Variants in ZNF592 observed in about 807,000 individuals in gnomAD.
ZNF592 encodes the protein zinc finger protein 592, also known as spinocerebellar ataxia, autosomal recessive 5.
In ZNF592, 11 loss-of-function variants were observed where a neutral mutation model predicts 80.3. The observed-to-expected ratio is 0.14, with a 90% CI of 0.09 to 0.23. The LOEUF is 0.23. Among genes scored for constraint, ZNF592 ranks in the 10% least tolerant of loss-of-function variants. ZNF592 has a pLI of 1.00. For missense variants in ZNF592, 1,420 were observed against 1,633.9 expected (o/e 0.87, Z 2.26); for synonymous variants, 646 against 640.3 (o/e 1.01, Z -0.13).
At chr15:84,772,258 C>A (rs1962103368) in intron 2 of ZNF592, among the ~76,000 whole-genome samples, 1 of 152,110 alleles carries the variant, frequency 6.6e-6, no homozygotes, top group Non-Finnish European at 1.5e-5. Context: ...ATTAATGTTC[C>A]TGCTTGAGTT....
Position 84,802,153 on chromosome 15 carries a change from G to A in ZNF592, c.3564G>A (p.Glu1188=). 6.2e-7 allele frequency: 1 copy of A among 1,604,332 alleles called. No homozygotes were observed. Among genetic ancestry groups the A allele is most frequent in the Non-Finnish European group, 8.5e-7 (1 of 1,172,808 alleles). ...ACCAGGAGGAGGAGGAGGAAGAGGA[G>A]GCGGCGGCAGCGGAGATGGCAGTGG... ...VRDQEEEEEE[E]AAAAEMAVEV... Residue 1188 remains glutamate, a synonymous_variant, in exon 11 of 11, where the codon GAG becomes GAA. Transcript: ENST00000560079.
At chr15:84,771,735 A>G (rs752846976) in intron 2 of ZNF592, among the ~76,000 whole-genome samples, 9 of 151,810 alleles carry the variant, frequency 5.9e-5, no homozygotes, top group Non-Finnish European at 1.3e-4. Flanking sequence ...TCTTTGGGCC[A>G]TTTTTTTTGC....
intron 1 of ZNF592, among the ~76,000 whole-genome samples, chr15:84,761,493 G>T (rs2141964687): frequency 6.6e-6 from 1 of 152,318 alleles, no homozygotes; most frequent in East Asian, 1.9e-4. Flanking sequence ...AAGGCTTCCA[G>T]TGCTTCCAAT....
At chr15:84,752,606 GA>G (rs1474323749) in intron 1 of ZNF592, among the ~76,000 whole-genome samples, 1 of 152,238 alleles carries the variant, frequency 6.6e-6, no homozygotes, top group Admixed American at 6.5e-5. Flanking sequence ...TTGGGGCTGT[GA>G]AAGGCAGGTC....
At chr15:84,789,745 T>C (rs757260148) in intron 4 of ZNF592, among the ~76,000 whole-genome samples, 5 of 152,218 alleles carry the variant, frequency 3.3e-5, no homozygotes, top group African/African-American at 9.6e-5. Flanking sequence ...TATCCTATCT[T>C]TGGTCAGTGG....
chr15:84,765,535 GTTTTTTTTT>G (rs71453265), intron 2 of ZNF592, among the ~76,000 whole-genome samples: 1 of 92,280 alleles, frequency 1.1e-5, no homozygotes, highest in Admixed American at 1.5e-4. Flanking sequence ...TGTTATTATT[GTTTTTTTTT>G]TTTTTTTTTT....
intron 2 of ZNF592, among the ~76,000 whole-genome samples, chr15:84,766,985 C>A (rs1899546356): frequency 6.6e-6 from 1 of 151,854 alleles, no homozygotes; most frequent in Non-Finnish European, 1.5e-5. Flanking sequence ...TGTGAAATGG[C>A]CACTTTCTGT....
In ZNF592 at chr15:84,783,480, C is replaced by T; in HGVS notation, c.805C>T (p.Pro269Ser). 3.1e-6 allele frequency: 5 copies of T among 1,614,166 alleles called. No individual in the cohort carries two copies. The highest frequency in any genetic ancestry group is 4.2e-6 in the Non-Finnish European group (5 of 1,180,024). Residue 269 changes from proline (P) to serine (S), a missense_variant, in exon 4 of 11, where the codon CCC becomes TCC. Pro to Ser is a moderately conservative substitution (Grantham distance 74). This residue lies in a region of ZNF592 where 373 missense variants were observed against 355.5 expected (regional missense o/e 1.05). Coordinates refer to ENST00000560079, the MANE Select transcript of ZNF592 (RefSeq NM_014630.3). This position sits in a 1 kb window ranked among gnomAD's most constrained non-coding sequence, Gnocchi z 5.0. ...GGAGCTTGGTACCTGCTCATCAGTC[C>T]CCCCTAGGCAGCGTCTAAAGCCAGC... Reference protein sequence around the residue: ...ARELGTCSSVPPRQRLKPAHS... With the variant: ...ARELGTCSSVSPRQRLKPAHS...
rs1963210998 is a variant in ZNF592, at chr15:84,805,374, C to G, written c.*2981C>G. ...TGGTTGTGCTATCATTTGTCATCAT[C>G]AGAAAATGCTTGCTGTAACAAGCGT... On this transcript the variant is annotated 3_prime_UTR_variant, in exon 11 of 11. Transcript: ENST00000560079. 6.6e-6 allele frequency: 1 copy of G among 152,276 alleles called. No individual in the cohort carries two copies. The highest frequency in any genetic ancestry group is 2.4e-5 in the African/African-American group (1 of 41,438). 9.4% of individuals were successfully genotyped at this position (152,276 alleles called of 1,614,324 possible).
chr15:84,791,645 A>G (rs1962753128), intron 5 of ZNF592, among the ~76,000 whole-genome samples: 1 of 152,192 alleles, frequency 6.6e-6, no homozygotes, highest in South Asian at 2.1e-4. Flanking sequence ...AAAATGATTA[A>G]GACACAGCCC....
intron 2 of ZNF592, among the ~76,000 whole-genome samples, chr15:84,767,154 C>A (rs1420449038): frequency 1.3e-5 from 2 of 152,072 alleles, no homozygotes; most frequent in Non-Finnish European, 2.9e-5. Context: ...ACCACCACAC[C>A]CGGTTAATTT....
At chr15:84,759,913 A>G (rs1282178414) in intron 1 of ZNF592, among the ~76,000 whole-genome samples, 1 of 150,196 alleles carries the variant, frequency 6.7e-6, no homozygotes, top group Non-Finnish European at 1.5e-5. Context: ...GTTTTGAGGC[A>G]GAGTTGGAAT....
chr15:84,751,656 G>A (rs1899018679), intron 1 of ZNF592, among the ~76,000 whole-genome samples: 1 of 150,772 alleles, frequency 6.6e-6, no homozygotes, highest in Non-Finnish European at 1.5e-5. Flanking sequence ...TGTAATCCCA[G>A]CACTGTGGGA....
At position 84,804,280 on chromosome 15, in the gene ZNF592, C is replaced by A. The variant is rs1225266467; in HGVS notation, c.*1887C>A. On this transcript the variant is annotated 3_prime_UTR_variant, in exon 11 of 11. Coordinates refer to ENST00000560079, the MANE Select transcript of ZNF592 (RefSeq NM_014630.3). The stretch of plus-strand genomic sequence containing the variant: ...CCTAATTCTAGTTACAGGAAGCCAT[C>A]CCTGTACCCTGGGTCCATTCACAGG... The A allele has an allele frequency of 6.6e-6, 1 of 152,264 alleles. No homozygotes were observed. The highest frequency in any genetic ancestry group is 2.4e-5 in the African/African-American group (1 of 41,464). 9.4% of individuals were successfully genotyped at this position (152,264 alleles called of 1,614,324 possible). A position where few individuals can be genotyped will look rare whatever the true frequency, so the allele number is the denominator to read the frequency against.
chr15:84,784,020 G>A lies in ZNF592; in HGVS notation c.1345G>A (p.Asp449Asn). The change falls in exon 4 of 11, where the codon GAC becomes AAC. Residue 449 changes from aspartate (D) to asparagine (N), a missense_variant. Transcript: ENST00000560079. The surrounding 1 kb of genome is among the most constrained non-coding windows in gnomAD (Gnocchi z 5.8). ...GAGCCCCCAGGGGGCCAGGAAAGGG[G>A]ACGAGAGCATGACAAAGGCCAGTGA... ...SGSPQGARKG[D>N]ESMTKASDSS... 6.2e-7 allele frequency: 1 copy of A among 1,611,270 alleles called. No homozygotes were observed. Among genetic ancestry groups the A allele is most frequent in the Non-Finnish European group, 8.5e-7 (1 of 1,177,788 alleles).
intron 2 of ZNF592, among the ~76,000 whole-genome samples, chr15:84,777,580 C>A (rs1445909874): frequency 1.3e-5 from 2 of 151,230 alleles, no homozygotes; most frequent in African/African-American, 2.4e-5. Context: ...AAAATAATAA[C>A]CACCAAAGTG....
intron 1 of ZNF592, among the ~76,000 whole-genome samples, chr15:84,760,630 G>C (rs532718224): frequency 6.6e-6 from 1 of 152,272 alleles, no homozygotes; most frequent in African/African-American, 2.4e-5. Flanking sequence ...ATGCGTGCAT[G>C]TCTGCGGTGT....
chr15:84,777,514 G>A (rs1189093901), intron 2 of ZNF592, among the ~76,000 whole-genome samples: 1 of 151,534 alleles, frequency 6.6e-6, no homozygotes, highest in East Asian at 1.9e-4. Flanking sequence ...AAGGCATGGG[G>A]TCTCACTATG....
chr15:84,790,055 T>G (rs1962698548), intron 4 of ZNF592, among the ~76,000 whole-genome samples: 1 of 152,122 alleles, frequency 6.6e-6, no homozygotes, highest in African/African-American at 2.4e-5. Context: ...GTATGTTTGC[T>G]TAGCTGTGGC....
Sources: gnomAD v4.1 joint callset for allele counts (sites outside exome capture counted in the v4.1 genomes callset) on GRCh38, gnomAD v4.1.1 for gene constraint, gnomAD v4.1.1 regional missense constraint, Gnocchi (gnomAD v3.1) non-coding constraint, MANE v1.5 for transcripts, NCBI Gene and HGNC (gene_info 2026-07-23, HGNC 2026-07-21) for gene names.